The following BPTF variants were observed in gnomAD, a reference collection of about 807,000 sequenced individuals.
The protein encoded by BPTF is nucleosome-remodeling factor subunit BPTF.
A neutral mutation model predicts 292.5 loss-of-function variants in BPTF; 18 were observed. The observed-to-expected ratio is 0.06, with a 90% CI of 0.04 to 0.09. The LOEUF (loss-of-function observed/expected upper bound fraction) is 0.09. Ranked by LOEUF, BPTF falls within the 10% of genes least tolerant of loss-of-function variation. The probability of loss-of-function intolerance (pLI) is 1.00; values close to 1 mark genes in which losing one functional copy is unlikely to be tolerated. For synonymous variants in BPTF, 1,225 were observed against 1,251.9 expected (o/e 0.98, Z 0.45); for missense variants, 2,726 against 3,498.7 (o/e 0.78, Z 5.57).
chr17:67,874,332 T>C (rs2059930726), intron 3 of BPTF, among the ~76,000 whole-genome samples: 1 of 152,152 alleles, frequency 6.6e-6, no homozygotes, highest in Non-Finnish European at 1.5e-5. Context: ...AGGGCCTCTG[T>C]TTTCTCTTTT....
At chr17:67,830,294 C>G (rs992856804) in intron 1 of BPTF, among the ~76,000 whole-genome samples, 2 of 152,164 alleles carry the variant, frequency 1.3e-5, no homozygotes, top group Non-Finnish European at 2.9e-5. Context: ...AACTTGGAAC[C>G]TCTGATAACT....
intron 7 of BPTF, among the ~76,000 whole-genome samples, chr17:67,895,419 A>T (rs904870100): frequency 6.6e-6 from 1 of 150,864 alleles, no homozygotes; most frequent in South Asian, 2.1e-4. Flanking sequence ...TTCATTTGCT[A>T]AAGGTATGGC....
At position 67,953,961 on chromosome 17, in the gene BPTF, C is replaced by CTTTTTTTTTTTTTTTTTTTTTTTTTT. The variant is rs869063412; in HGVS notation, c.7927-5564_7927-5539dup. On this transcript the variant is annotated intron_variant, in intron 23 of 27. Coordinates refer to ENST00000306378, the MANE Select transcript of BPTF (RefSeq NM_182641.4). Reference sequence around the variant, plus strand: ...ATCTTTTTTCTTTTTCTTTTCTTTTCTTTTTTTTTTTTTTTTTTTTTTTTT... The same window carrying CTTTTTTTTTTTTTTTTTTTTTTTTTT: ...ATCTTTTTTCTTTTTCTTTTCTTTTCTTTTTTTTTTTTTTTTTTTTTTTTTTTTTTTTTTTTTTTTTTTTTTTTTTT... 4.6e-5 allele frequency among the ~76,000 whole-genome samples: 3 copies of CTTTTTTTTTTTTTTTTTTTTTTTTTT among 65,640 alleles called. 1 individual carries two copies. The highest frequency in any genetic ancestry group is 2.2e-4 in the African/African-American group (3 of 13,816). The allele number at this position is 65,640 out of a possible 152,430, so 43.1% of individuals were successfully genotyped here. A position where few individuals can be genotyped will look rare whatever the true frequency, so the allele number is the denominator to read the frequency against.
intron 2 of BPTF, among the ~76,000 whole-genome samples, chr17:67,862,220 C>T (rs2059127624): frequency 6.6e-6 from 1 of 152,192 alleles, no homozygotes; most frequent in African/African-American, 2.4e-5. Context: ...AGGTAATCCA[C>T]CTGCCTCGGA....
At chr17:67,894,717 A>G (rs1187406943) in intron 7 of BPTF, among the ~76,000 whole-genome samples, 1 of 152,188 alleles carries the variant, frequency 6.6e-6, no homozygotes, top group Non-Finnish European at 1.5e-5. Context: ...TCTAAAGTAA[A>G]TAGCATTTTT....
rs761831796 is a variant in BPTF at position 67,854,726 on chromosome 17, G to A, written c.1400G>A (p.Arg467Gln). The A allele has an allele frequency of 7.4e-6, 12 of 1,613,946 alleles. No homozygotes were observed. The highest frequency in any genetic ancestry group is 1.1e-5 in the South Asian group (1 of 91,072). The stretch of plus-strand genomic sequence containing the variant: ...GAACCTATTGGATATGATAGAAGTC[G>A]GAGGAAATACTGGTTCTTGAACCGA... ...RHEPIGYDRS[R>Q]RKYWFLNRRL... Residue 467 changes from arginine (R) to glutamine (Q), a missense_variant, in exon 2 of 28, where the codon CGG becomes CAG. Physicochemically the swap from Arg to Gln is conservative, Grantham distance 43 (BLOSUM62 1). This residue lies in a region of BPTF where 22 missense variants were observed against 97.3 expected (regional missense o/e 0.23). Transcript: ENST00000306378. This position sits in a 1 kb window ranked among gnomAD's most constrained non-coding sequence, Gnocchi z 5.6.
intron 4 of BPTF, among the ~76,000 whole-genome samples, chr17:67,888,760 C>T (rs2060911658): frequency 1.3e-5 from 2 of 152,060 alleles, no homozygotes; most frequent in Admixed American, 6.5e-5. Context: ...GGGAGAATGG[C>T]TGTGTTTGAG....
intron 5 of BPTF, among the ~76,000 whole-genome samples, chr17:67,892,834 T>C (rs901163213): frequency 6.6e-6 from 1 of 152,184 alleles, no homozygotes; most frequent in African/African-American, 2.4e-5. Flanking sequence ...TTTTATTTTT[T>C]AAAAAAGCTG....
chr17:67,904,662 T>A (rs1469238300), intron 8 of BPTF, 40 bp from the exon 9 acceptor site: 1 of 1,482,410 alleles, frequency 6.7e-7, no homozygotes, highest in South Asian at 1.3e-5. Flanking sequence ...TAAGCATTGT[T>A]ATTCTTATTG....
chr17:67,945,976 T>C lies in BPTF; in HGVS notation c.7268T>C (p.Leu2423Pro), dbSNP rs1555674926. 2 of 1,614,138 alleles carry C rather than the reference T, an allele frequency of 1.2e-6. No homozygotes were observed. The highest frequency in any genetic ancestry group is 2.2e-5 in the South Asian group (2 of 91,078). The change falls in exon 21 of 28, where the codon CTA (leucine) becomes CCA (proline). Residue 2423 changes from leucine (L) to proline (P), a missense_variant. Physicochemically the swap from Leu to Pro is moderately conservative, Grantham distance 98 (BLOSUM62 -3). Coordinates refer to ENST00000306378, the MANE Select transcript of BPTF (RefSeq NM_182641.4). The part of the protein sequence containing the change: ...VTVSSPSRPQ[L>P]QIQQPQPQVI... Reference sequence around the variant, plus strand: ...GTTTCATCCCCATCCCGTCCTCAGCTACAAATACAGCAGCCACAGCCCCAA... The same window carrying C: ...GTTTCATCCCCATCCCGTCCTCAGCCACAAATACAGCAGCCACAGCCCCAA...
At chr17:67,834,927 G>C (rs1391895410) in intron 1 of BPTF, among the ~76,000 whole-genome samples, 1 of 152,142 alleles carries the variant, frequency 6.6e-6, no homozygotes, top group East Asian at 1.9e-4. Context: ...ATTAAAACTA[G>C]GCAGGCCAAG....
intron 11 of BPTF, among the ~76,000 whole-genome samples, chr17:67,918,191 C>T (rs1196818471): frequency 6.6e-6 from 1 of 152,230 alleles, no homozygotes; most frequent in Non-Finnish European, 1.5e-5. Flanking sequence ...CCACCTCGGC[C>T]TCCCACAGTG....
At chr17:67,853,261 A>C (rs1329813997) in intron 1 of BPTF, among the ~76,000 whole-genome samples, 1 of 152,172 alleles carries the variant, frequency 6.6e-6, no homozygotes, top group African/African-American at 2.4e-5. Flanking sequence ...AAGTTGTTTA[A>C]CTGACTGTTA....
intron 2 of BPTF, among the ~76,000 whole-genome samples, chr17:67,856,468 A>G (rs551214983): frequency 1.3e-5 from 2 of 151,844 alleles, no homozygotes; most frequent in Non-Finnish European, 2.9e-5. Context: ...TTTCTATTTC[A>G]TATTCAGATG....
intron 26 of BPTF, among the ~76,000 whole-genome samples, chr17:67,971,922 T>C (rs981536820): frequency 2.6e-5 from 4 of 152,160 alleles, no homozygotes; most frequent in Non-Finnish European, 5.9e-5. Context: ...CTGTCTGCGC[T>C]ATTGGAAAAC....
At chr17:67,890,111 C>T (rs1409930068) in intron 4 of BPTF, among the ~76,000 whole-genome samples, 2 of 152,258 alleles carry the variant, frequency 1.3e-5, no homozygotes, top group Non-Finnish European at 2.9e-5. Flanking sequence ...ATTTCCAAAA[C>T]TGTAGTAGTG....
At position 67,952,635 on chromosome 17, in the gene BPTF, A is replaced by G. The variant is rs375997445; in HGVS notation, c.7926+4329A>G. Among the ~76,000 whole-genome samples the G allele has an allele frequency of 5.0e-4, 76 of 152,156 alleles. No homozygotes were observed. In the East Asian group the frequency reaches 0.011, roughly 22 times the overall value. ...CCCATATTATTCCTCCCCCACCCACACACAATTTCCCCTATTAATGTTAGC... is the reference window on the plus strand; with the variant it reads ...CCCATATTATTCCTCCCCCACCCACGCACAATTTCCCCTATTAATGTTAGC... On this transcript the variant is annotated intron_variant, in intron 23 of 27. Coordinates refer to ENST00000306378, the MANE Select transcript of BPTF (RefSeq NM_182641.4).
intron 3 of BPTF, among the ~76,000 whole-genome samples, chr17:67,868,774 A>G (rs769754197): frequency 9.9e-5 from 15 of 152,228 alleles, no homozygotes; most frequent in Middle Eastern, 3.2e-3. Flanking sequence ...GCTGTATCCA[A>G]CCTTGTTCTC....
At chr17:67,857,798 T>G (rs1368575590) in intron 2 of BPTF, among the ~76,000 whole-genome samples, 1 of 146,980 alleles carries the variant, frequency 6.8e-6, no homozygotes, top group East Asian at 2.0e-4. Flanking sequence ...TTTTTTTTTT[T>G]TTTTTTGAGA....
Sources: gnomAD v4.1 joint callset for allele counts (sites outside exome capture counted in the v4.1 genomes callset) on GRCh38, gnomAD v4.1.1 for gene constraint, gnomAD v4.1.1 regional missense constraint, Gnocchi (gnomAD v3.1) non-coding constraint, MANE v1.5 for transcripts, NCBI Gene and HGNC (gene_info 2026-07-23, HGNC 2026-07-21) for gene names.